PTPN9: variants seen among roughly 807,000 people sequenced by gnomAD.
PTPN9 encodes the protein tyrosine-protein phosphatase non-receptor type 9.
A neutral mutation model predicts 69.8 loss-of-function variants in PTPN9; 26 were observed. The observed-to-expected ratio is 0.37, with a 90% CI of 0.27 to 0.52. PTPN9 has a LOEUF of 0.52. PTPN9 is among the 20% of genes least tolerant of loss of function. The probability of loss-of-function intolerance (pLI) is 0.91; values close to 1 mark genes in which losing one functional copy is unlikely to be tolerated. For missense variants in PTPN9, 549 were observed against 740.3 expected (o/e 0.74, Z 3.00); for synonymous variants, 274 against 272.5 (o/e 1.01, Z -0.05).
intron 1 of PTPN9, among the ~76,000 whole-genome samples, chr15:75,528,822 T>C (rs997384938): frequency 6.6e-6 from 1 of 151,652 alleles, no homozygotes; most frequent in Non-Finnish European, 1.5e-5. Context: ...TGTCCCCGCC[T>C]TCCGAGTAGC....
intron 8 of PTPN9, among the ~76,000 whole-genome samples, chr15:75,485,354 C>CTTTTTTTTTTTTTT (rs891447336): frequency 2.5e-5 from 2 of 78,752 alleles, no homozygotes; most frequent in Non-Finnish European, 4.6e-5. Flanking sequence ...ATTGTCACTT[C>CTTTTTTTTTTTTTT]TTTTTTTTTT....
At chr15:75,556,802 A>C (rs972103208) in intron 1 of PTPN9, among the ~76,000 whole-genome samples, 7 of 152,198 alleles carry the variant, frequency 4.6e-5, no homozygotes, top group African/African-American at 1.7e-4. Flanking sequence ...CTATAACCCA[A>C]AATTGTTTTA....
At chr15:75,547,516 T>C (rs1387248445) in intron 1 of PTPN9, among the ~76,000 whole-genome samples, 1 of 151,916 alleles carries the variant, frequency 6.6e-6, no homozygotes, top group African/African-American at 2.4e-5. Flanking sequence ...CTCTGTGCCA[T>C]ACATTTTCTC....
intron 7 of PTPN9, among the ~76,000 whole-genome samples, chr15:75,494,219 A>T (rs993007855): frequency 6.6e-6 from 1 of 151,112 alleles, no homozygotes; most frequent in African/African-American, 2.4e-5. Flanking sequence ...ACAAGGAAAG[A>T]AATCATTTAA....
intron 1 of PTPN9, among the ~76,000 whole-genome samples, chr15:75,552,034 T>TC (rs953263505): frequency 6.9e-6 from 1 of 144,542 alleles, no homozygotes; most frequent in Non-Finnish European, 1.5e-5. Flanking sequence ...AGAGTGAGAC[T>TC]CCATCTCAAA....
chr15:75,537,442 CTAAAAAAAA>C (rs2074987715), intron 1 of PTPN9, among the ~76,000 whole-genome samples: 1 of 49,754 alleles, frequency 2.0e-5, no homozygotes, highest in African/African-American at 1.3e-4. Flanking sequence ...AATATCTTCC[CTAAAAAAAA>C]AAAAAAAAAA....
chr15:75,548,331 C>A (rs1468271853), intron 1 of PTPN9, among the ~76,000 whole-genome samples: 1 of 151,722 alleles, frequency 6.6e-6, no homozygotes, highest in Non-Finnish European at 1.5e-5. Context: ...TCTCGGCTCA[C>A]TGCAACCTCC....
intron 9 of PTPN9, among the ~76,000 whole-genome samples, chr15:75,476,256 G>T (rs2074595379): frequency 6.6e-6 from 1 of 152,182 alleles, no homozygotes; most frequent in Non-Finnish European, 1.5e-5. Context: ...GGTATTCACA[G>T]ATACCATTAA....
chr15:75,530,743 AAT>A (rs1168992115), intron 1 of PTPN9, among the ~76,000 whole-genome samples: 4 of 66,998 alleles, frequency 6.0e-5, no homozygotes, highest in Non-Finnish European at 1.0e-4. Flanking sequence ...ATTATTATAT[AAT>A]ATATATAATA....
At chr15:75,481,896 G>C (rs370155644) in intron 8 of PTPN9, among the ~76,000 whole-genome samples, 1 of 145,830 alleles carries the variant, frequency 6.9e-6, no homozygotes, top group Non-Finnish European at 1.5e-5. Context: ...GCCTCTGCCC[G>C]GCCGCCCCTA....
In PTPN9 at chr15:75,467,829, C is replaced by G. The variant is rs754366301; in HGVS notation, c.*940G>C. ...GAGAGTATGGAATCACAGTGGAGGTCTGTTCCCCAAATTGGCCAAGTAAAT... is the reference window on the plus strand; with the variant it reads ...GAGAGTATGGAATCACAGTGGAGGTGTGTTCCCCAAATTGGCCAAGTAAAT... On this transcript the variant is annotated 3_prime_UTR_variant, in exon 13 of 13. Transcript: ENST00000618819. 2.6e-5 allele frequency: 4 copies of G among 152,658 alleles called. No homozygotes were observed. Among genetic ancestry groups the G allele is most frequent in the African/African-American group, 4.8e-5 (2 of 41,450 alleles). The allele number at this position is 152,658 out of a possible 1,614,324, so 9.5% of individuals were successfully genotyped here.
chr15:75,531,441 T>C (rs1828063503), intron 1 of PTPN9, among the ~76,000 whole-genome samples: 1 of 152,128 alleles, frequency 6.6e-6, no homozygotes, highest in Non-Finnish European at 1.5e-5. Context: ...GAATTGCCTC[T>C]GTGGAGTGAG....
At chr15:75,507,961 T>C (rs2074828256) in intron 6 of PTPN9, among the ~76,000 whole-genome samples, 1 of 142,322 alleles carries the variant, frequency 7.0e-6, no homozygotes. Flanking sequence ...AAGAATCGCT[T>C]GAACTCAGGA....
rs867304433 is a variant in PTPN9 at position 75,463,542 on chromosome 15, G to A, written c.*5227C>T. ...GTTAGCTATGTCCACCATGGCCTTA[G>A]CCTGAAAAATATGGGCATTTAAGAC... On this transcript the variant is annotated 3_prime_UTR_variant, in exon 13 of 13. Transcript: ENST00000618819. 1.3e-5 allele frequency: 2 copies of A among 152,144 alleles called. No homozygotes were observed. The highest frequency in any genetic ancestry group is 4.8e-5 in the African/African-American group (2 of 41,418). The allele number at this position is 152,144 out of a possible 1,614,324, so 9.4% of individuals were successfully genotyped here.
chr15:75,522,746 G>T (rs2074910848), intron 4 of PTPN9, among the ~76,000 whole-genome samples: 1 of 152,094 alleles, frequency 6.6e-6, no homozygotes, highest in South Asian at 2.1e-4. Context: ...GAACTAAACG[G>T]CATTATTCCT....
Position 75,578,768 on chromosome 15 carries a change from G to C in PTPN9, c.9C>G (p.Pro3=). Residue 3 remains proline, a synonymous_variant, in exon 1 of 13, where the codon CCC becomes CCG. Coordinates refer to ENST00000618819, the MANE Select transcript of PTPN9 (RefSeq NM_002833.4). ME[P]ATAPRPDMAP... Reference sequence around the variant, plus strand: ...CCATGTCGGGCCGGGGCGCGGTCGCGGGCTCCATCCCCCCGCCACCGCCGC... The same window carrying C: ...CCATGTCGGGCCGGGGCGCGGTCGCCGGCTCCATCCCCCCGCCACCGCCGC... 7.9e-7 allele frequency: 1 copy of C among 1,271,684 alleles called. No individual in the cohort carries two copies. Among genetic ancestry groups the C allele is most frequent in the Non-Finnish European group, 9.9e-7 (1 of 1,010,320 alleles). The allele number at this position is 1,271,684 out of a possible 1,614,324, so 78.8% of individuals were successfully genotyped here.
rs1164644727 is a variant in PTPN9 at position 75,537,753 on chromosome 15, C to CAAAA, written c.64-10496_64-10493dup. 9.0e-3 allele frequency among the ~76,000 whole-genome samples: 102 copies of CAAAA among 11,388 alleles called. 13 individuals are homozygous for CAAAA. The highest frequency in any genetic ancestry group is 0.021 in the African/African-American group (45 of 2,192). 7.5% of individuals were successfully genotyped at this position (11,388 alleles called of 152,430 possible). On this transcript the variant is annotated intron_variant, in intron 1 of 12. Coordinates refer to ENST00000618819, the MANE Select transcript of PTPN9 (RefSeq NM_002833.4). Reference sequence around the variant, plus strand: ...AGGGCAACAGAGGGAGACTCCATCTCAAAAAAAAAAAAAAAAAAAAAAAGG... The same window carrying CAAAA: ...AGGGCAACAGAGGGAGACTCCATCTCAAAAAAAAAAAAAAAAAAAAAAAAAAAGG...
chr15:75,567,170 C>A (rs1203196303), intron 1 of PTPN9, among the ~76,000 whole-genome samples: 1 of 152,016 alleles, frequency 6.6e-6, no homozygotes, highest in Admixed American at 6.6e-5. Context: ...CGTACACCAC[C>A]ATGCCTGGCT....
At chr15:75,549,123 C>A (rs2075046276) in intron 1 of PTPN9, among the ~76,000 whole-genome samples, 1 of 152,132 alleles carries the variant, frequency 6.6e-6, no homozygotes, top group Admixed American at 6.6e-5. Context: ...CCACACCCAG[C>A]CAGATGCTGG....
Sources: allele counts gnomAD v4.1 joint callset (sites outside exome capture counted in the v4.1 genomes callset), GRCh38; gene constraint gnomAD v4.1.1; transcripts MANE v1.5; gene names NCBI Gene and HGNC (gene_info 2026-07-23, HGNC 2026-07-21).